Variants in CYP2C19 observed in about 807,000 individuals in gnomAD.
CYP2C19 encodes cytochrome P450 2C19.
A neutral mutation model predicts 40.9 loss-of-function variants in CYP2C19; 59 were observed. The ratio of observed to expected loss-of-function variants is 1.44; its 90% confidence interval spans 1.17 to 1.79. The LOEUF (loss-of-function observed/expected upper bound fraction) is 1.79, where lower values mean the gene tolerates loss of function less well. Among genes scored for constraint, CYP2C19 ranks in the 40% most tolerant of loss-of-function variants. CYP2C19 has a pLI of 0.00. For synonymous variants in CYP2C19, 253 were observed against 208.7 expected, an observed-to-expected ratio of 1.21 and a Z score of -1.83; for missense variants, 754 against 596.9, an observed-to-expected ratio of 1.26 and a Z score of -2.74.
At chr10:94,833,050 C>T (rs150574440) in intron 6 of CYP2C19, among the ~76,000 whole-genome samples, 2 of 151,952 alleles carry the variant, frequency 1.3e-5, no homozygotes, top group Non-Finnish European at 2.9e-5. Flanking sequence ...TTTTAAATTT[C>T]TTTTTCTCAT....
chr10:94,781,265 G>A (rs910885816), intron 4 of CYP2C19, among the ~76,000 whole-genome samples: 1 of 152,076 alleles, frequency 6.6e-6, no homozygotes, highest in Non-Finnish European at 1.5e-5. Flanking sequence ...GAATTGGCAT[G>A]TTTTATACTC....
rs892094260 is a variant in CYP2C19, at chr10:94,798,124, A to G, written c.819+16127A>G. Among the ~76,000 whole-genome samples the G allele has an allele frequency of 2.6e-5, 4 of 152,060 alleles. No individual in the cohort carries two copies. In the East Asian group the frequency reaches 5.8e-4, roughly 22 times the overall value. On this transcript the variant is annotated intron_variant, in intron 5 of 8. Coordinates refer to ENST00000371321, the MANE Select transcript of CYP2C19 (RefSeq NM_000769.4). The stretch of plus-strand genomic sequence containing the variant: ...ATCTTTTCTGCTTTCTCTTGTGCAT[A>G]TTTAGTGCTATAAATTTCCGTCTAC...
In CYP2C19 at chr10:94,854,126, C is replaced by G. The variant is rs1258929698; in HGVS notation, c.*1212C>G. On this transcript the variant is annotated 3_prime_UTR_variant, in exon 9 of 9. Coordinates refer to ENST00000371321, the MANE Select transcript of CYP2C19 (RefSeq NM_000769.4). ...CTCCACCTCCTGGATTCAAGTGGTT[C>G]TCCTGCCTCAGCCCCCCAAGTAGCT... is the stretch of plus-strand genomic sequence containing the variant. Among the ~76,000 whole-genome samples the G allele has an allele frequency of 1.3e-5, 2 of 151,638 alleles. No homozygotes were observed. The highest frequency in any genetic ancestry group is 4.8e-5 in the African/African-American group (2 of 41,240).
At chr10:94,849,104 C>T (rs1849614467) in intron 7 of CYP2C19, among the ~76,000 whole-genome samples, 1 of 152,156 alleles carries the variant, frequency 6.6e-6, no homozygotes, top group Admixed American at 6.5e-5. Flanking sequence ...TCCAGAACTT[C>T]CAACACTATG....
At chr10:94,799,527 T>C (rs1198224580) in intron 5 of CYP2C19, among the ~76,000 whole-genome samples, 1 of 152,174 alleles carries the variant, frequency 6.6e-6, no homozygotes, top group African/African-American at 2.4e-5. Flanking sequence ...TCTCTGTGTT[T>C]CCTAAATTTG....
chr10:94,847,452 C>T (rs375980398), intron 7 of CYP2C19, among the ~76,000 whole-genome samples: 2 of 152,070 alleles, frequency 1.3e-5, no homozygotes, highest in Non-Finnish European at 2.9e-5. Context: ...GTATATGTGC[C>T]ATATTTTCTT....
At chr10:94,826,503 G>T (rs1334423078) in intron 6 of CYP2C19, among the ~76,000 whole-genome samples, 1 of 152,140 alleles carries the variant, frequency 6.6e-6, no homozygotes, top group African/African-American at 2.4e-5. Flanking sequence ...TTTGTACATT[G>T]ATTTTGTATC....
intron 5 of CYP2C19, among the ~76,000 whole-genome samples, chr10:94,784,288 T>A (rs987230069): frequency 2.0e-5 from 3 of 152,172 alleles, no homozygotes; most frequent in African/African-American, 7.2e-5. Flanking sequence ...CACAAATTGT[T>A]ATTCATCTGT....
intron 1 of CYP2C19, chr10:94,774,818 G>A (rs542051693): frequency 1.9e-6 from 1 of 520,982 alleles, no homozygotes; most frequent in South Asian, 2.4e-5. Context: ...TGAATATGTT[G>A]GTGTGAGGGT....
intron 3 of CYP2C19, chr10:94,775,924 TG>T (rs994118792): frequency 3.4e-6 from 1 of 291,086 alleles, no homozygotes; most frequent in African/African-American, 2.2e-5. Context: ...ATGGTGGAAA[TG>T]GCCCTATCAC....
chr10:94,780,684 G>A (rs1429801128), intron 4 of CYP2C19, 25 bp downstream of exon 4: 12 of 1,612,550 alleles, frequency 7.4e-6, no homozygotes, highest in East Asian at 2.2e-5. Context: ...TTTGCTTCCT[G>A]AGAAACCACT....
intron 1 of CYP2C19, among the ~76,000 whole-genome samples, chr10:94,767,555 A>G (rs1351791211): frequency 6.6e-6 from 1 of 152,178 alleles, no homozygotes; most frequent in Non-Finnish European, 1.5e-5. Context: ...TCTCCAGGAT[A>G]GTGACCTATT....
At chr10:94,848,248 T>A (rs1190366838) in intron 7 of CYP2C19, among the ~76,000 whole-genome samples, 3 of 152,190 alleles carry the variant, frequency 2.0e-5, no homozygotes, top group Admixed American at 2.0e-4. Flanking sequence ...TTGAATTAAT[T>A]TTTGTATAAG....
At chr10:94,818,455 C>T (rs1393185812) in intron 5 of CYP2C19, among the ~76,000 whole-genome samples, 1 of 151,744 alleles carries the variant, frequency 6.6e-6, no homozygotes, top group Admixed American at 6.6e-5. Flanking sequence ...ATGGAGATGG[C>T]ATTGAATCTG....
At chr10:94,774,890 G>A in intron 1 of CYP2C19, 168 bp from the exon 2 acceptor site, 1 of 722,708 alleles carries the variant, frequency 1.4e-6, no homozygotes, top group African/African-American at 1.8e-5. Context: ...CCATCTGAGT[G>A]GCAAGTATAA....
chr10:94,772,670 G>A (rs549739306), intron 1 of CYP2C19, among the ~76,000 whole-genome samples: 20 of 152,214 alleles, frequency 1.3e-4, no homozygotes, highest in Non-Finnish European at 2.5e-4. Context: ...AAAAGTGGAA[G>A]CTGGTTCCAG....
intron 5 of CYP2C19, among the ~76,000 whole-genome samples, chr10:94,813,272 C>A (rs190057412): frequency 6.6e-6 from 1 of 152,054 alleles, no homozygotes; most frequent in African/African-American, 2.4e-5. Context: ...TGCCAGATAC[C>A]AGCCAAAGCT....
At chr10:94,821,064 C>G (rs993889280) in intron 6 of CYP2C19, among the ~76,000 whole-genome samples, 4 of 151,500 alleles carry the variant, frequency 2.6e-5, no homozygotes, top group Non-Finnish European at 4.4e-5. Flanking sequence ...GCCTGGGTGA[C>G]AGAGTGGGAC....
chr10:94,780,360 C>G, intron 3 of CYP2C19, 139 bp from the exon 4 acceptor site: 2 of 1,101,406 alleles, frequency 1.8e-6, no homozygotes, highest in Non-Finnish European at 2.5e-6. Flanking sequence ...TTATGCATGC[C>G]AAACTCTTTT....
Sources: gnomAD v4.1 joint callset for allele counts (sites outside exome capture counted in the v4.1 genomes callset) on GRCh38, gnomAD v4.1.1 for gene constraint, MANE v1.5 for transcripts, NCBI Gene and HGNC (gene_info 2026-07-23, HGNC 2026-07-21) for gene names.